Variants in NELL1 observed in about 807,000 individuals in gnomAD.
The protein encoded by NELL1 is protein kinase C-binding protein NELL1.
NELL1 carries 76 observed loss-of-function variants against 107.4 expected under a neutral mutation model. The observed-to-expected ratio is 0.71, with a 90% CI of 0.59 to 0.86. The LOEUF (loss-of-function observed/expected upper bound fraction) is 0.86. Ranked by LOEUF, NELL1 falls within the 40% of genes least tolerant of loss-of-function variation. The probability of loss-of-function intolerance (pLI) is 0.00; values close to 1 mark genes in which losing one functional copy is unlikely to be tolerated. For missense variants in NELL1, 1,024 were observed against 1,005.5 expected (o/e 1.02, Z -0.25); for synonymous variants, 353 against 341.2 (o/e 1.03, Z -0.38).
chr11:21,184,689 G>C (rs966953267), intron 13 of NELL1, among the ~76,000 whole-genome samples: 1 of 151,680 alleles, frequency 6.6e-6, no homozygotes, highest in South Asian at 2.1e-4. Context: ...TCCTACAAAA[G>C]CATTTAATTT....
intron 12 of NELL1, among the ~76,000 whole-genome samples, chr11:21,017,042 C>T (rs773667896): frequency 1.3e-5 from 2 of 152,182 alleles, no homozygotes; most frequent in Non-Finnish European, 1.5e-5. Context: ...CCATGTTATC[C>T]ACCTGGCATC....
In NELL1 at chr11:21,573,321, A is replaced by G. The variant is rs775197835; in HGVS notation, c.2294A>G (p.Lys765Arg). Reference protein sequence around the residue: ...LADNITYDIRKTCLDSYGVSR... With the variant: ...LADNITYDIRRTCLDSYGVSR... ...GATAACATCACCTATGACATCAGAA[A>G]AACTTGCCTGGACAGCTATGGTGTT... is the stretch of plus-strand genomic sequence containing the variant. The change falls in exon 19 of 20, where the codon AAA becomes AGA. Residue 765 changes from lysine (K) to arginine (R), a missense_variant. Lys to Arg is a conservative substitution (Grantham distance 26). Coordinates refer to ENST00000357134, the MANE Select transcript of NELL1 (RefSeq NM_006157.5). The G allele has an allele frequency of 6.2e-7, 1 of 1,612,554 alleles. No homozygotes were observed. The highest frequency in any genetic ancestry group is 1.1e-5 in the South Asian group (1 of 91,070).
At chr11:20,744,573 T>G (rs909659547) in intron 2 of NELL1, among the ~76,000 whole-genome samples, 1 of 152,192 alleles carries the variant, frequency 6.6e-6, no homozygotes, top group African/African-American at 2.4e-5. Context: ...TAGTTTAAGC[T>G]CAAATCTGCT....
intron 16 of NELL1, among the ~76,000 whole-genome samples, chr11:21,547,999 G>A (rs115838664): frequency 1.4e-4 from 21 of 151,692 alleles, no homozygotes; most frequent in Admixed American, 4.0e-4. Context: ...CAATCATGGC[G>A]CAACTGAAAC....
intron 12 of NELL1, among the ~76,000 whole-genome samples, chr11:21,036,845 T>A (rs1451411241): frequency 1.3e-5 from 2 of 152,152 alleles, no homozygotes; most frequent in Admixed American, 1.3e-4. Flanking sequence ...GTTGTATTTT[T>A]AGTCCATGTT....
chr11:21,552,962 G>T (rs953434691), intron 16 of NELL1, among the ~76,000 whole-genome samples: 7 of 151,782 alleles, frequency 4.6e-5, no homozygotes, highest in Admixed American at 6.6e-5. Flanking sequence ...TAAATAATAT[G>T]CATGAAAGGA....
chr11:21,201,112 G>C (rs578026330), intron 13 of NELL1, among the ~76,000 whole-genome samples: 22 of 152,154 alleles, frequency 1.4e-4, no homozygotes, highest in African/African-American at 5.3e-4. Context: ...TTGTCCATGC[G>C]GGCTGTTTTT....
chr11:21,099,012 G>A (rs572711725), intron 12 of NELL1, among the ~76,000 whole-genome samples: 4 of 151,682 alleles, frequency 2.6e-5, no homozygotes, highest in East Asian at 1.9e-4. Flanking sequence ...CCAAAAACTC[G>A]TTTCCTTTAC....
chr11:21,078,789 A>T (rs1358290447), intron 12 of NELL1, among the ~76,000 whole-genome samples: 1 of 152,116 alleles, frequency 6.6e-6, no homozygotes, highest in Non-Finnish European at 1.5e-5. Flanking sequence ...ATTCTAGTAG[A>T]ATTAAAGATA....
intron 13 of NELL1, among the ~76,000 whole-genome samples, chr11:21,151,138 C>A (rs894861321): frequency 6.6e-6 from 1 of 152,098 alleles, no homozygotes; most frequent in Admixed American, 6.6e-5. Context: ...GGACACAGTG[C>A]CAAACCATAT....
intron 14 of NELL1, among the ~76,000 whole-genome samples, chr11:21,255,823 A>G (rs1217536087): frequency 1.3e-5 from 2 of 151,962 alleles, no homozygotes; most frequent in Non-Finnish European, 2.9e-5. Context: ...TTCCACTTCT[A>G]ATGGGGAACA....
chr11:21,288,079 G>A (rs60549927), intron 14 of NELL1, among the ~76,000 whole-genome samples: 1 of 151,542 alleles, frequency 6.6e-6, no homozygotes, highest in Non-Finnish European at 1.5e-5. Flanking sequence ...ATAAGGAAGG[G>A]AGAAGGAAAA....
At chr11:21,225,794 C>T (rs1032844149) in intron 13 of NELL1, among the ~76,000 whole-genome samples, 1 of 152,156 alleles carries the variant, frequency 6.6e-6, no homozygotes, top group Non-Finnish European at 1.5e-5. Context: ...AAATACCTAA[C>T]ACTTGTGGAG....
chr11:20,783,119 G>A (rs761888649), intron 2 of NELL1, among the ~76,000 whole-genome samples: 4 of 152,166 alleles, frequency 2.6e-5, no homozygotes, highest in Non-Finnish European at 4.4e-5. Context: ...GGCATTATTA[G>A]TGCTAGTAAA....
intron 5 of NELL1, among the ~76,000 whole-genome samples, chr11:20,886,715 G>A (rs1849516484): frequency 6.6e-6 from 1 of 152,192 alleles, no homozygotes. Context: ...GATAGCATTA[G>A]GAGAAATAAC....
chr11:21,524,379 A>T (rs1040977165), intron 15 of NELL1, among the ~76,000 whole-genome samples: 2 of 152,194 alleles, frequency 1.3e-5, no homozygotes, highest in East Asian at 3.8e-4. Flanking sequence ...TTCCTATTTA[A>T]TAGAGAAACT....
intron 4 of NELL1, among the ~76,000 whole-genome samples, chr11:20,883,023 C>G (rs1262244892): frequency 2.0e-5 from 3 of 152,190 alleles, no homozygotes; most frequent in African/African-American, 7.2e-5. Context: ...AAAAAAAATA[C>G]TGTTTTTAAA....
intron 15 of NELL1, among the ~76,000 whole-genome samples, chr11:21,400,222 C>G (rs1356880546): frequency 6.6e-6 from 1 of 151,748 alleles, no homozygotes; most frequent in African/African-American, 2.4e-5. Flanking sequence ...CCTACCCCAT[C>G]CCCACTCTCC....
intron 12 of NELL1, among the ~76,000 whole-genome samples, chr11:21,061,565 G>T (rs1423566816): frequency 6.6e-6 from 1 of 152,122 alleles, no homozygotes; most frequent in African/African-American, 2.4e-5. Flanking sequence ...CTACCCATCT[G>T]AAAAAGGGAT....
Sources: allele counts gnomAD v4.1 joint callset (sites outside exome capture counted in the v4.1 genomes callset), GRCh38; gene constraint gnomAD v4.1.1; transcripts MANE v1.5; gene names NCBI Gene and HGNC (gene_info 2026-07-23, HGNC 2026-07-21).